Variants in LIPA observed in about 807,000 individuals in gnomAD.
LIPA encodes lysosomal acid lipase/cholesteryl ester hydrolase.
A neutral mutation model predicts 40.6 loss-of-function variants in LIPA; 26 were observed. That is an observed-to-expected ratio of 0.64 (90% CI 0.47 to 0.89). LIPA has a LOEUF of 0.89. Among genes scored for constraint, LIPA ranks in the 40% least tolerant of loss-of-function variants. LIPA has a pLI of 0.00. For synonymous variants in LIPA, 188 were observed against 168.4 expected, an observed-to-expected ratio of 1.12 and a Z score of -0.90; for missense variants, 455 against 479.6, an observed-to-expected ratio of 0.95 and a Z score of 0.48.
intron 3 of LIPA, among the ~76,000 whole-genome samples, chr10:89,236,282 CTA>C: frequency 6.6e-6 from 1 of 152,168 alleles, no homozygotes; most frequent in East Asian, 1.9e-4. Flanking sequence ...ATAAAATTAA[CTA>C]GAGTTTATTG....
At chr10:89,383,302 G>T in intron 2 of LIPA, 1 of 1,587,504 alleles carries the variant, frequency 6.3e-7, no homozygotes, top group Non-Finnish European at 8.6e-7. Flanking sequence ...GTAATTAATT[G>T]CTGCCTATTT....
intron 2 of LIPA, chr10:89,412,526 T>G (rs1428973224): frequency 5.7e-6 from 1 of 176,284 alleles, no homozygotes; most frequent in Non-Finnish European, 1.2e-5. Flanking sequence ...AGCGGCAACC[T>G]GCTCGGGTCT....
chr10:89,240,767 G>A (rs911739709), intron 3 of LIPA, among the ~76,000 whole-genome samples: 2 of 152,164 alleles, frequency 1.3e-5, no homozygotes, highest in Non-Finnish European at 2.9e-5. Flanking sequence ...TTTAAGTTGT[G>A]TTCGTGGACT....
chr10:89,407,027 G>A (rs967062683), intron 2 of LIPA, among the ~76,000 whole-genome samples: 2 of 152,106 alleles, frequency 1.3e-5, no homozygotes, highest in African/African-American at 4.8e-5. Flanking sequence ...AGGCTTTCTG[G>A]GAAAGGGCTC....
chr10:89,332,568 A>T lies in LIPA; in HGVS notation c.-2+10043T>A. ...AGCATTTGCTTGGAATCAGTAAGCTAAAAACAAAATCAACCGGGACCCCAG... is the reference window on the plus strand; with the variant it reads ...AGCATTTGCTTGGAATCAGTAAGCTTAAAACAAAATCAACCGGGACCCCAG... On this transcript the variant is annotated intron_variant, in intron 1 of 5. Transcript: ENST00000282673. The T allele has an allele frequency of 2.5e-6, 4 of 1,614,018 alleles. No individual in the cohort carries two copies. The East Asian group carries it at 8.9e-5, about 36-fold the overall frequency.
At chr10:89,281,733 C>A (rs1843317235) in intron 1 of LIPA, among the ~76,000 whole-genome samples, 1 of 152,214 alleles carries the variant, frequency 6.6e-6, no homozygotes, top group Non-Finnish European at 1.5e-5. Flanking sequence ...CAGTTTGGAA[C>A]CAGTTTAGGT....
intron 5 of LIPA, among the ~76,000 whole-genome samples, chr10:89,225,949 A>G (rs1842764439): frequency 6.6e-6 from 1 of 152,112 alleles, no homozygotes; most frequent in African/African-American, 2.4e-5. Flanking sequence ...CATTATTGTA[A>G]GGCCTCCCTA....
chr10:89,289,559 G>A (rs973213438), intron 1 of LIPA, among the ~76,000 whole-genome samples: 2 of 152,092 alleles, frequency 1.3e-5, no homozygotes, highest in Non-Finnish European at 2.9e-5. Context: ...AGGCCACCAT[G>A]GTCATTTCTT....
chr10:89,289,392 C>T (rs1248737854), intron 1 of LIPA, among the ~76,000 whole-genome samples: 1 of 152,184 alleles, frequency 6.6e-6, no homozygotes. Context: ...GTTCAGGCCC[C>T]CTCCCTTCCT....
At chr10:89,299,059 T>C (rs1843430802) in intron 1 of LIPA, among the ~76,000 whole-genome samples, 1 of 150,908 alleles carries the variant, frequency 6.6e-6, no homozygotes, top group Non-Finnish European at 1.5e-5. Flanking sequence ...ATACAAGAGA[T>C]TTCCAAATCC....
intron 2 of LIPA, among the ~76,000 whole-genome samples, chr10:89,360,042 C>T (rs983510130): frequency 6.6e-6 from 1 of 152,152 alleles, no homozygotes; most frequent in Admixed American, 6.5e-5. Context: ...AAGTTAATTA[C>T]TTAAACTCAC....
intron 1 of LIPA, among the ~76,000 whole-genome samples, chr10:89,311,294 G>A (rs1176940867): frequency 1.3e-5 from 2 of 152,178 alleles, no homozygotes; most frequent in African/African-American, 4.8e-5. Flanking sequence ...AGGCCAAGGA[G>A]GGTAGATCAC....
At chr10:89,282,608 C>A (rs1843321729) in intron 1 of LIPA, among the ~76,000 whole-genome samples, 1 of 151,690 alleles carries the variant, frequency 6.6e-6, no homozygotes, top group South Asian at 2.1e-4. Context: ...CCATTGCACT[C>A]CAGCCTGGGT....
At chr10:89,344,957 AG>A (rs1666030520), upstream of LIPA, among the ~76,000 whole-genome samples, 1 of 152,160 alleles carries the variant, frequency 6.6e-6, no homozygotes, top group Non-Finnish European at 1.5e-5. Flanking sequence ...CACTGAGGAC[AG>A]GAGTTAGAGA....
chr10:89,346,222 C>T (rs1843919841), upstream of LIPA, among the ~76,000 whole-genome samples: 2 of 151,988 alleles, frequency 1.3e-5, no homozygotes, highest in Admixed American at 6.6e-5. Context: ...AAAATGGTGC[C>T]CAGAATTCCC....
intron 1 of LIPA, among the ~76,000 whole-genome samples, chr10:89,265,524 G>A (rs1843231427): frequency 6.6e-6 from 1 of 152,234 alleles, no homozygotes; most frequent in African/African-American, 2.4e-5. Flanking sequence ...CATAAACCAA[G>A]TGATACAGAA....
chr10:89,219,198 A>G (rs1361558733), intron 8 of LIPA, among the ~76,000 whole-genome samples: 4 of 152,160 alleles, frequency 2.6e-5, no homozygotes, highest in African/African-American at 4.8e-5. Context: ...CATCGTAATC[A>G]TCTAAGGCAC....
At chr10:89,240,538 C>T (rs1842953023) in intron 3 of LIPA, among the ~76,000 whole-genome samples, 1 of 152,110 alleles carries the variant, frequency 6.6e-6, no homozygotes, top group Non-Finnish European at 1.5e-5. Context: ...ATTTCACAGG[C>T]CTTATCAAAT....
At chr10:89,248,725 A>C (rs1843072329) in intron 1 of LIPA, among the ~76,000 whole-genome samples, 1 of 145,090 alleles carries the variant, frequency 6.9e-6, no homozygotes. Flanking sequence ...CCTCGTGATC[A>C]CGCCTCGGCC....
Sources: gnomAD v4.1 joint callset for allele counts (sites outside exome capture counted in the v4.1 genomes callset) on GRCh38, gnomAD v4.1.1 for gene constraint, MANE v1.5 for transcripts, NCBI Gene and HGNC (gene_info 2026-07-23, HGNC 2026-07-21) for gene names.